Variants in CLNK observed in about 807,000 individuals in gnomAD.
The protein encoded by CLNK is cytokine-dependent hematopoietic cell linker.
Under a neutral mutation model 68.6 loss-of-function variants are expected in CLNK, and 74 were observed. The ratio of observed to expected loss-of-function variants is 1.08; its 90% CI spans 0.89 to 1.31. The LOEUF is 1.31. CLNK is among the 50% of genes most tolerant of loss of function. CLNK has a pLI of 0.00. For synonymous variants in CLNK, 198 were observed against 172.2 expected (o/e 1.15, Z -1.17); for missense variants, 553 against 515.3 (o/e 1.07, Z -0.71).
intron 2 of CLNK, among the ~76,000 whole-genome samples, chr4:10,660,910 C>A (rs1164309182): frequency 2.0e-5 from 3 of 152,160 alleles, no homozygotes; most frequent in Non-Finnish European, 2.9e-5. Flanking sequence ...ACTAGCCAAC[C>A]ACGAAGCTGA....
At chr4:10,681,085 A>T (rs1174584544) in intron 1 of CLNK, among the ~76,000 whole-genome samples, 2 of 152,212 alleles carry the variant, frequency 1.3e-5, no homozygotes, top group East Asian at 3.8e-4. Context: ...CAGCAAATCC[A>T]GCTTTTGAAA....
intron 17 of CLNK, among the ~76,000 whole-genome samples, chr4:10,505,059 T>A (rs1469995845): frequency 3.9e-5 from 6 of 152,210 alleles, no homozygotes; most frequent in African/African-American, 1.4e-4. Context: ...GAAGGAGGTC[T>A]ACTAAGAGTA....
At chr4:10,553,349 A>G (rs566420550) in intron 8 of CLNK, among the ~76,000 whole-genome samples, 2 of 152,120 alleles carry the variant, frequency 1.3e-5, no homozygotes, top group South Asian at 2.1e-4. Flanking sequence ...GAGATCCACA[A>G]TGCTCTTAAA....
At chr4:10,564,605 G>T in intron 7 of CLNK, 66 bp downstream of exon 7, 2 of 1,102,448 alleles carry the variant, frequency 1.8e-6, no homozygotes, top group Non-Finnish European at 2.8e-6. Context: ...AGGAGATGGG[G>T]CAGTTTCTAG....
chr4:10,643,937 C>T (rs1723413178), intron 2 of CLNK, among the ~76,000 whole-genome samples: 1 of 152,178 alleles, frequency 6.6e-6, no homozygotes, highest in Non-Finnish European at 1.5e-5. Context: ...CTTGCCTATG[C>T]ATGCAGGCCT....
At chr4:10,611,518 G>A (rs1273249523) in intron 2 of CLNK, among the ~76,000 whole-genome samples, 1 of 139,170 alleles carries the variant, frequency 7.2e-6, no homozygotes, top group Non-Finnish European at 1.6e-5. Context: ...AAAATGTAGT[G>A]GACCTTCTTC....
chr4:10,717,417 G>A, the CLNK span, among the ~76,000 whole-genome samples: 1 of 152,184 alleles, frequency 6.6e-6, no homozygotes, highest in Non-Finnish European at 1.5e-5. Flanking sequence ...GCAACTTAGA[G>A]AAACCCCGTC....
chr4:10,684,961 T>G (rs1329344398), upstream of CLNK: 1 of 152,146 alleles, frequency 6.6e-6, no homozygotes, highest in Admixed American at 6.6e-5. Context: ...AATCTTCCAA[T>G]GCAAAGGGTG....
intron 11 of CLNK, among the ~76,000 whole-genome samples, chr4:10,538,557 A>G (rs1718890183): frequency 6.6e-6 from 1 of 152,226 alleles, no homozygotes; most frequent in Non-Finnish European, 1.5e-5. Flanking sequence ...CTGATAACAC[A>G]GCTTCATGGG....
intron 2 of CLNK, among the ~76,000 whole-genome samples, chr4:10,667,520 A>G (rs1724447118): frequency 6.6e-6 from 1 of 152,014 alleles, no homozygotes; most frequent in African/African-American, 2.4e-5. Context: ...CCTGTGGGAA[A>G]AAGCACACAA....
intron 3 of CLNK, among the ~76,000 whole-genome samples, chr4:10,590,447 A>T (rs1721140943): frequency 6.6e-6 from 1 of 152,162 alleles, no homozygotes; most frequent in African/African-American, 2.4e-5. Flanking sequence ...AGCTCCTGGC[A>T]TGGAGATGAA....
At position 10,486,970 on chromosome 4, in the gene CLNK, G is replaced by T. The variant is rs1241988562; in HGVS notation, c.*3497C>A. The T allele has an allele frequency of 6.6e-6, 1 of 152,174 alleles. No individual in the cohort carries two copies. Among genetic ancestry groups the T allele is most frequent in the Non-Finnish European group, 1.5e-5 (1 of 68,028 alleles). 9.4% of individuals were successfully genotyped at this position (152,174 alleles called of 1,614,324 possible). A position where few individuals can be genotyped will look rare whatever the true frequency, so the allele number is the denominator to read the frequency against. Reference sequence around the variant, plus strand: ...ATAGTGCTTAGTAATGAATACACATGCAGTACACAAAGGTGCTAACACAAT... The same window carrying T: ...ATAGTGCTTAGTAATGAATACACATTCAGTACACAAAGGTGCTAACACAAT... On this transcript the variant is annotated 3_prime_UTR_variant, in exon 19 of 19. Transcript: ENST00000226951.
At chr4:10,666,152 C>T (rs1724389139) in intron 2 of CLNK, among the ~76,000 whole-genome samples, 1 of 152,148 alleles carries the variant, frequency 6.6e-6, no homozygotes, top group South Asian at 2.1e-4. Flanking sequence ...AAGTATTCTT[C>T]CCTTGAGCCT....
intron 4 of CLNK, among the ~76,000 whole-genome samples, chr4:10,581,992 A>T (rs1720801435): frequency 6.6e-6 from 1 of 152,222 alleles, no homozygotes; most frequent in Non-Finnish European, 1.5e-5. Context: ...TATGCCTGCC[A>T]AAGAGCGTAA....
chr4:10,610,269 C>T (rs983037093), intron 2 of CLNK, among the ~76,000 whole-genome samples: 7 of 149,684 alleles, frequency 4.7e-5, no homozygotes, highest in African/African-American at 9.8e-5. Flanking sequence ...TGGTCTCGAT[C>T]TCCTGACCTC....
chr4:10,585,041 C>T lies in CLNK; in HGVS notation c.84-86G>A, dbSNP rs1053708124. The T allele has an allele frequency of 1.9e-5, 27 of 1,416,346 alleles. 1 individual carries two copies. The highest frequency in any genetic ancestry group is 2.6e-5 in the Non-Finnish European group (26 of 1,011,024). 87.7% of individuals were successfully genotyped at this position (1,416,346 alleles called of 1,614,324 possible). A position where few individuals can be genotyped will look rare whatever the true frequency, so the allele number is the denominator to read the frequency against. On this transcript the variant is annotated intron_variant, in intron 3 of 18. Coordinates refer to ENST00000226951, the MANE Select transcript of CLNK (RefSeq NM_052964.4). ...CACATAGGAACAGGCAGTCATCAAA[C>T]GTCATTGTACAAGTCAGCCTCTGAA...
At chr4:10,520,909 AATG>A (rs1438289232) in intron 14 of CLNK, 78 bp from the exon 15 acceptor site, 11 of 979,628 alleles carry the variant, frequency 1.1e-5, no homozygotes, top group Non-Finnish European at 1.8e-5. Flanking sequence ...AGGCAAGGTC[AATG>A]ATAATAGCCT....
intron 3 of CLNK, among the ~76,000 whole-genome samples, chr4:10,588,414 C>T (rs1721063033): frequency 6.6e-6 from 1 of 152,144 alleles, no homozygotes; most frequent in Non-Finnish European, 1.5e-5. Context: ...AATGGGAGAA[C>T]TGGGGCCTAG....
At chr4:10,575,174 T>C (rs1214527772) in intron 4 of CLNK, among the ~76,000 whole-genome samples, 1 of 152,220 alleles carries the variant, frequency 6.6e-6, no homozygotes, top group Non-Finnish European at 1.5e-5. Flanking sequence ...CCCGTACCTA[T>C]CTCCATTGTC....
Sources: allele counts gnomAD v4.1 joint callset (sites outside exome capture counted in the v4.1 genomes callset), GRCh38; gene constraint gnomAD v4.1.1; transcripts MANE v1.5; gene names NCBI Gene and HGNC (gene_info 2026-07-23, HGNC 2026-07-21).